KIF1A: variants seen among roughly 807,000 people sequenced by gnomAD.
The protein encoded by KIF1A is kinesin-like protein KIF1A.
Under a neutral mutation model 227.3 loss-of-function variants are expected in KIF1A, and 46 were observed. The ratio of observed to expected loss-of-function variants is 0.20; its 90% CI spans 0.16 to 0.26. KIF1A has a LOEUF of 0.26. Ranked by LOEUF, KIF1A falls within the 10% of genes least tolerant of loss-of-function variation. The probability of loss-of-function intolerance (pLI) is 1.00; values close to 1 mark genes in which losing one functional copy is unlikely to be tolerated. For synonymous variants in KIF1A, 1,022 were observed against 1,012.8 expected, an observed-to-expected ratio of 1.01 and a Z score of -0.17; for missense variants, 1,683 against 2,485.9, an observed-to-expected ratio of 0.68 and a Z score of 6.87.
chr2:240,787,936 C>T (rs951399068), intron 4 of KIF1A, 115 bp downstream of exon 4: 7 of 1,033,456 alleles, frequency 6.8e-6, no homozygotes, highest in Admixed American at 2.4e-5. Flanking sequence ...GCCTTCCCCT[C>T]CTGACTCCCT....
chr2:240,787,889 G>A (rs2055149512), intron 4 of KIF1A, among the ~76,000 whole-genome samples, 162 bp downstream of exon 4: 1 of 152,046 alleles, frequency 6.6e-6, no homozygotes, highest in South Asian at 2.1e-4. Context: ...GCCACATCTG[G>A]CTCTCACCTG....
rs2047363081 is a variant in KIF1A at position 240,736,721 on chromosome 2, T to C, written c.4007+342A>G. Among the ~76,000 whole-genome samples, 3 of 152,218 alleles carry C rather than the reference T, an allele frequency of 2.0e-5. 1 individual carries two copies. The South Asian group carries it at 6.2e-4, about 31-fold the overall frequency. On this transcript the variant is annotated intron_variant, in intron 38 of 48. Transcript: ENST00000498729. The surrounding 1 kb of genome is among the most constrained non-coding windows in gnomAD (Gnocchi z 4.7). ...GGCCACTGACTCATCCACAGCAGCA[T>C]GGTCCTTGGACATACAGCCACTTGT...
intron 1 of KIF1A, among the ~76,000 whole-genome samples, chr2:240,819,822 C>G (rs549449090): frequency 0.03 from 4,634 of 152,242 alleles, 228 homozygotes; most frequent in African/African-American, 0.1. Context: ...AGGGCGACCC[C>G]CGCCCGCCTA....
intron 4 of KIF1A, 46 bp from the exon 5 acceptor site, chr2:240,787,362 C>T (rs1319392025): frequency 7.8e-6 from 12 of 1,531,426 alleles, no homozygotes; most frequent in Non-Finnish European, 9.9e-6. Flanking sequence ...TGGGGCTGCT[C>T]CCTGGATCCC....
chr2:240,760,730 A>G lies in KIF1A; in HGVS notation c.2379T>C (p.Ile793=), dbSNP rs2050405048. The change falls in exon 25 of 49, where the codon ATT becomes ATC. Residue 793 remains isoleucine, a synonymous_variant. Transcript: ENST00000498729. ...DRETRPFPRT[I]VAVEVQDQKN... is the part of the protein sequence containing the mutation. ...TCTGGTCCTGGACCTCCACGGCCACAATGGTGCGGGGGAAGGGCCGCGTCT... is the reference window on the plus strand; with the variant it reads ...TCTGGTCCTGGACCTCCACGGCCACGATGGTGCGGGGGAAGGGCCGCGTCT... 1.9e-6 allele frequency: 3 copies of G among 1,591,620 alleles called. No individual in the cohort carries two copies. The highest frequency in any genetic ancestry group is 2.7e-5 in the African/African-American group (2 of 74,028).
chr2:240,765,753 G>A lies in KIF1A; in HGVS notation c.1725C>T (p.Tyr575=), dbSNP rs772063378. 31 of 1,613,530 alleles carry A rather than the reference G, an allele frequency of 1.9e-5. No homozygotes were observed. In the East Asian group the frequency reaches 2.2e-4, roughly 12 times the overall value. Residue 575 remains tyrosine (Y), a synonymous_variant, in exon 20 of 49, where the codon TAC becomes TAT. Transcript: ENST00000498729. ...TLEPCEGADT[Y]VNGKKVTEPS... is the part of the protein sequence containing the mutation. ...GCTCTGTGACTTTCTTGCCATTGAC[G>A]TAGGTGTCTGCCCCCTCACAGGGCT...
intron 1 of KIF1A, among the ~76,000 whole-genome samples, chr2:240,805,157 C>T (rs981949608): frequency 1.2e-4 from 1 of 8,214 alleles, no homozygotes; most frequent in Non-Finnish European, 2.3e-4. Flanking sequence ...GGGAGGGAGG[C>T]GGGAGGGAGA....
At chr2:240,794,535 G>A (rs1007405190) in intron 2 of KIF1A, among the ~76,000 whole-genome samples, 7 of 152,182 alleles carry the variant, frequency 4.6e-5, no homozygotes, top group African/African-American at 1.7e-4. Flanking sequence ...AAACTTTCAG[G>A]AGCACTCAGG....
chr2:240,782,779 T>A (rs1257808031), intron 9 of KIF1A, among the ~76,000 whole-genome samples, 172 bp from the exon 10 acceptor site: 1 of 152,126 alleles, frequency 6.6e-6, no homozygotes, highest in African/African-American at 2.4e-5. Flanking sequence ...AGGGCCGCCC[T>A]TCCCGGGCCC....
intron 10 of KIF1A, chr2:240,782,320 C>G (rs939821752): frequency 1.2e-5 from 8 of 657,606 alleles, no homozygotes; most frequent in African/African-American, 2.0e-5. Context: ...CCACGCCCCC[C>G]GGGCCACACT....
intron 1 of KIF1A, among the ~76,000 whole-genome samples, chr2:240,816,411 CTATGAG>C (rs2058328169): frequency 6.6e-6 from 1 of 151,974 alleles, no homozygotes; most frequent in South Asian, 2.1e-4. Flanking sequence ...ATGCATGTGA[CTATGAG>C]TGTGTGTGGC....
upstream of KIF1A, among the ~76,000 whole-genome samples, chr2:240,820,827 C>T (rs2058664983): frequency 6.6e-6 from 1 of 152,142 alleles, no homozygotes; most frequent in Non-Finnish European, 1.5e-5. This position sits in a 1 kb window ranked among gnomAD's most constrained non-coding sequence, Gnocchi z 6.2. Context: ...GCAACCCGCC[C>T]GCGGACCCGC....
rs762881417 is a variant in KIF1A, at chr2:240,790,064, T to C, written c.107-752A>G. 1.6e-4 allele frequency among the ~76,000 whole-genome samples: 25 copies of C among 152,086 alleles called. No homozygotes were observed. Among genetic ancestry groups the C allele is most frequent in the Non-Finnish European group, 3.2e-4 (22 of 68,008 alleles). ...CCCACCCACACAGCCTGCAAGTATC[T>C]CAGGGACCCAGCACACCCACTGCCA... On this transcript the variant is annotated intron_variant, in intron 2 of 48. Coordinates refer to ENST00000498729, the MANE Select transcript of KIF1A (RefSeq NM_001244008.2). The surrounding 1 kb of genome is among the most constrained non-coding windows in gnomAD (Gnocchi z 5.0).
chr2:240,764,421 G>A (rs527602114), intron 20 of KIF1A, among the ~76,000 whole-genome samples: 5 of 152,210 alleles, frequency 3.3e-5, no homozygotes, highest in South Asian at 2.1e-4. Context: ...TAGCCACACC[G>A]ACTCCCCATT....
chr2:240,731,495 A>G (rs1337024397), intron 38 of KIF1A, among the ~76,000 whole-genome samples: 1 of 152,150 alleles, frequency 6.6e-6, no homozygotes, highest in Non-Finnish European at 1.5e-5. Flanking sequence ...CAGCTGGGAG[A>G]CAACCAGCAT....
Position 240,762,814 on chromosome 2 carries a change from T to C in KIF1A, c.2023-2A>G. 6.3e-7 allele frequency: 1 copy of C among 1,584,810 alleles called. No homozygotes were observed. On this transcript the variant is annotated splice_acceptor_variant, in intron 22 of 48. Coordinates refer to ENST00000498729, the MANE Select transcript of KIF1A (RefSeq NM_001244008.2). LOFTEE classifies it high-confidence loss of function. ...AGCCTCCAGCTTGCTCTCATAGTCC[T>C]GCAGAAAGCAAGGCCTGTGACTCCA... is the stretch of plus-strand genomic sequence containing the variant.
Position 240,769,617 on chromosome 2 carries a change from C to T in KIF1A, c.1421+10G>A, listed in dbSNP as rs191716550. On this transcript the variant is annotated intron_variant, in intron 16 of 48. Coordinates refer to ENST00000498729, the MANE Select transcript of KIF1A (RefSeq NM_001244008.2). ...CCCTCCCCCTGGGCCTCAGTTTCCC[C>T]GCTGCACACCTCTCCATCCGGATGG... 4.0e-5 allele frequency: 64 copies of T among 1,611,054 alleles called. No homozygotes were observed. The Admixed American group carries it at 6.8e-4, about 17-fold the overall frequency.
At chr2:240,768,953 A>G (rs1041024954) in intron 17 of KIF1A, among the ~76,000 whole-genome samples, 180 bp downstream of exon 17, 1 of 152,230 alleles carries the variant, frequency 6.6e-6, no homozygotes, top group Non-Finnish European at 1.5e-5. Flanking sequence ...GAATGTGGGG[A>G]CAGAATTCTC....
chr2:240,799,147 G>T (rs2056720883), intron 1 of KIF1A, among the ~76,000 whole-genome samples: 1 of 152,234 alleles, frequency 6.6e-6, no homozygotes, highest in Non-Finnish European at 1.5e-5. Context: ...AGCAGGAAGG[G>T]TCTGTCTGCA....
Sources: gnomAD v4.1 joint callset for allele counts (sites outside exome capture counted in the v4.1 genomes callset) on GRCh38, gnomAD v4.1.1 for gene constraint, Gnocchi (gnomAD v3.1) non-coding constraint, MANE v1.5 for transcripts, NCBI Gene and HGNC (gene_info 2026-07-23, HGNC 2026-07-21) for gene names.